The following GRIP1 variants were observed in gnomAD, a reference collection of about 807,000 sequenced individuals.
GRIP1 encodes glutamate receptor-interacting protein 1.
A neutral mutation model predicts 129.9 loss-of-function variants in GRIP1; 45 were observed. That is an observed-to-expected ratio of 0.35 (90% CI 0.27 to 0.44). The LOEUF (loss-of-function observed/expected upper bound fraction) is 0.44. Ranked by LOEUF, GRIP1 falls within the 20% of genes least tolerant of loss-of-function variation. The pLI is 1.00. For synonymous variants in GRIP1, 530 were observed against 520.8 expected (o/e 1.02, Z -0.24); for missense variants, 1,196 against 1,396.8 (o/e 0.86, Z 2.29).
At chr12:66,402,361 G>A (rs916631615) in intron 16 of GRIP1, among the ~76,000 whole-genome samples, 9 of 152,168 alleles carry the variant, frequency 5.9e-5, no homozygotes, top group Non-Finnish European at 1.0e-4. Flanking sequence ...ATGGCACATT[G>A]CCTGATACTT....
At chr12:66,446,094 G>GCCC (rs1555185775) in intron 11 of GRIP1, among the ~76,000 whole-genome samples, 3 of 140,398 alleles carry the variant, frequency 2.1e-5, no homozygotes, top group African/African-American at 5.7e-5. Context: ...CATTCCTCCT[G>GCCC]CCGCCCCCCA....
intron 2 of GRIP1, among the ~76,000 whole-genome samples, chr12:66,574,840 C>T (rs1167412683): frequency 6.6e-6 from 1 of 150,552 alleles, no homozygotes; most frequent in African/African-American, 2.4e-5. Flanking sequence ...GGCTGGAGTG[C>T]AGTGGTGTGA....
chr12:66,398,329 G>A (rs191736122), intron 16 of GRIP1, among the ~76,000 whole-genome samples: 2 of 152,028 alleles, frequency 1.3e-5, no homozygotes, highest in Admixed American at 6.5e-5. Context: ...CTGTGCAAGA[G>A]CTGAGCTGGC....
At chr12:66,444,463 A>G (rs10878422) in intron 13 of GRIP1, 121 bp downstream of exon 13, 331,527 of 816,956 alleles carry the variant, frequency 0.41, 77,037 homozygotes, top group African/African-American at 0.85. Context: ...TCCGCAGTCC[A>G]GCCTGGGCGA....
intron 1 of GRIP1, among the ~76,000 whole-genome samples, chr12:66,996,954 T>C (rs2135667072): frequency 6.6e-6 from 1 of 152,250 alleles, no homozygotes; most frequent in African/African-American, 2.4e-5. Context: ...TCTCAGGAAC[T>C]GGGGCATGAG....
At chr12:66,402,167 CT>C (rs1013413684) in intron 16 of GRIP1, among the ~76,000 whole-genome samples, 112 of 152,338 alleles carry the variant, frequency 7.4e-4, no homozygotes, top group African/African-American at 2.6e-3. Flanking sequence ...TTGTTAGAAT[CT>C]TTTCCTTGAG....
At chr12:66,463,233 C>A in intron 8 of GRIP1, 140 bp from the exon 9 acceptor site, 1 of 730,762 alleles carries the variant, frequency 1.4e-6, no homozygotes, top group Non-Finnish European at 2.4e-6. Flanking sequence ...TTATAGGAAA[C>A]ACCATCTGCC....
At chr12:66,914,612 A>G (rs2041088708) in intron 1 of GRIP1, among the ~76,000 whole-genome samples, 1 of 152,206 alleles carries the variant, frequency 6.6e-6, no homozygotes, top group African/African-American at 2.4e-5. Flanking sequence ...TATGATAGGG[A>G]TACATTTGAG....
At chr12:66,826,118 C>T (rs1244929512) in intron 1 of GRIP1, among the ~76,000 whole-genome samples, 1 of 152,120 alleles carries the variant, frequency 6.6e-6, no homozygotes, top group African/African-American at 2.4e-5. Context: ...CCATGGAATA[C>T]TATGCAGCCA....
chr12:66,825,190 T>C lies in GRIP1; in HGVS notation c.59-228263A>G, dbSNP rs373794551. Among the ~76,000 whole-genome samples, 19 of 152,310 alleles carry C rather than the reference T, an allele frequency of 1.2e-4. No homozygotes were observed. In the East Asian group the frequency reaches 1.9e-3, roughly 15 times the overall value. On this transcript the variant is annotated intron_variant, in intron 1 of 1. Coordinates refer to the GRIP1 transcript ENST00000643019. ...AGTAATCAGTAATAGCATGTATTTG[T>C]GGCCTTTCCTAACAATTCATAGGGT...
chr12:66,362,106 G>C (rs1255570670), intron 23 of GRIP1, among the ~76,000 whole-genome samples: 2 of 148,396 alleles, frequency 1.3e-5, no homozygotes, highest in South Asian at 2.2e-4. Flanking sequence ...GAGAGAGGAA[G>C]AGACATGCCC....
chr12:66,733,066 T>C (rs117934321), intron 1 of GRIP1, among the ~76,000 whole-genome samples: 5,444 of 152,190 alleles, frequency 0.036, 141 homozygotes, highest in East Asian at 0.078. Context: ...GTTGCCCAGG[T>C]TGGACTCAAA....
At chr12:66,401,609 T>TATATATATATATATACACACACAC (rs1169241331) in intron 16 of GRIP1, among the ~76,000 whole-genome samples, 7 of 110,188 alleles carry the variant, frequency 6.4e-5, no homozygotes, top group African/African-American at 1.1e-4. Flanking sequence ...TATATATATA[T>TATATATATATATATACACACACAC]ACACACACAC....
In GRIP1 at chr12:66,350,415, G is replaced by A. The variant is rs775844057; in HGVS notation, c.3160-1169C>T. Reference sequence around the variant, plus strand: ...GGGAGCTGGCTGAGGCAGGAGAATCGCTTGAACCTGGGAGGCATAGGTTGC... The same window carrying A: ...GGGAGCTGGCTGAGGCAGGAGAATCACTTGAACCTGGGAGGCATAGGTTGC... On this transcript the variant is annotated intron_variant, in intron 24 of 24. Coordinates refer to ENST00000359742, the MANE Select transcript of GRIP1 (RefSeq NM_001366722.1). Among the ~76,000 whole-genome samples the A allele has an allele frequency of 3.4e-4, 51 of 152,066 alleles. 1 individual carries two copies. The highest frequency in any genetic ancestry group is 6.6e-4 in the Non-Finnish European group (45 of 68,004).
In GRIP1 at chr12:66,394,279, T is replaced by A. The variant is rs2056705403; in HGVS notation, c.2058A>T (p.Thr686=). ...CAAACGGCTCTTCAGTTCCTGAAAT[T>A]GTGATGCCAAGGGGCCCCCCGTAGC... The part of the protein sequence containing the change: ...LKRYGGPLGI[T]ISGTEEPFDP... The change falls in exon 17 of 25, where the codon ACA becomes ACT. Residue 686 remains threonine (T), a synonymous_variant. Coordinates refer to ENST00000359742, the MANE Select transcript of GRIP1 (RefSeq NM_001366722.1). 6.2e-7 allele frequency: 1 copy of A among 1,614,016 alleles called. No individual in the cohort carries two copies. Among genetic ancestry groups the A allele is most frequent in the East Asian group, 2.2e-5 (1 of 44,874 alleles).
At chr12:66,683,556 A>G (rs1304453611), upstream of GRIP1, among the ~76,000 whole-genome samples, 1 of 152,196 alleles carries the variant, frequency 6.6e-6, no homozygotes, top group Non-Finnish European at 1.5e-5. Context: ...AGGAAGTGTC[A>G]TTAGGACATA....
chr12:66,904,890 C>CA (rs34662689), intron 1 of GRIP1, among the ~76,000 whole-genome samples: 3,182 of 136,874 alleles, frequency 0.023, 97 homozygotes, highest in African/African-American at 0.078. Context: ...GACTCCGTCT[C>CA]AAAAAAAAAA....
chr12:66,574,707 A>C (rs999767545), intron 2 of GRIP1, among the ~76,000 whole-genome samples: 1 of 151,862 alleles, frequency 6.6e-6, no homozygotes, highest in Non-Finnish European at 1.5e-5. Context: ...TTTTATACCC[A>C]GTTCTGCCCA....
At chr12:66,435,864 CTT>C (rs1429542238) in intron 13 of GRIP1, among the ~76,000 whole-genome samples, 3 of 152,152 alleles carry the variant, frequency 2.0e-5, no homozygotes, top group Non-Finnish European at 4.4e-5. Flanking sequence ...TAATAAATCT[CTT>C]TGATCAAGCT....
Sources: allele counts gnomAD v4.1 joint callset (sites outside exome capture counted in the v4.1 genomes callset), GRCh38; gene constraint gnomAD v4.1.1; transcripts MANE v1.5; gene names NCBI Gene and HGNC (gene_info 2026-07-23, HGNC 2026-07-21).